Variants in ZNF25 observed in about 807,000 individuals in gnomAD.
ZNF25 encodes the protein zinc finger protein 25 (KOX 19).
ZNF25 carries 21 observed loss-of-function variants against 30.9 expected under a neutral mutation model. The observed-to-expected ratio is 0.68, with a 90% CI of 0.48 to 0.98. ZNF25 has a LOEUF of 0.98. ZNF25 is among the 50% of genes least tolerant of loss of function. The pLI, the probability that ZNF25 is intolerant of heterozygous loss-of-function variation, is 0.00. For synonymous variants in ZNF25, 169 were observed against 181.3 expected (o/e 0.93, Z 0.55); for missense variants, 501 against 529.9 (o/e 0.95, Z 0.54).
chr10:37,955,827 G>A (rs1004306605), intron 4 of ZNF25, among the ~76,000 whole-genome samples: 1 of 152,072 alleles, frequency 6.6e-6, no homozygotes, highest in Middle Eastern at 3.2e-3. Context: ...GGGACTACAG[G>A]TGTGCACCAC....
chr10:37,961,396 C>T (rs751756893), intron 2 of ZNF25, among the ~76,000 whole-genome samples: 11 of 152,232 alleles, frequency 7.2e-5, no homozygotes, highest in African/African-American at 2.2e-4. Flanking sequence ...TATGACTTCT[C>T]ATATGTAGAA....
At position 37,951,856 on chromosome 10, in the gene ZNF25, T is replaced by C. The variant is rs2062158221; in HGVS notation, c.*271A>G. ...TGACTTCTATGTTGCAAAACAAAAGTATGACTTCTGAAAGGTTTCCTTCCT... is the reference window on the plus strand; with the variant it reads ...TGACTTCTATGTTGCAAAACAAAAGCATGACTTCTGAAAGGTTTCCTTCCT... On this transcript the variant is annotated 3_prime_UTR_variant, in exon 6 of 6. Coordinates refer to ENST00000302609, the MANE Select transcript of ZNF25 (RefSeq NM_145011.4). 1 of 334,554 alleles carries C rather than the reference T, an allele frequency of 3.0e-6. No homozygotes were observed. The highest frequency in any genetic ancestry group is 4.6e-5 in the Admixed American group (1 of 21,752). The allele number at this position is 334,554 out of a possible 1,614,324, so 20.7% of individuals were successfully genotyped here.
At chr10:37,963,908 G>A (rs1242063531) in intron 2 of ZNF25, among the ~76,000 whole-genome samples, 4 of 152,188 alleles carry the variant, frequency 2.6e-5, no homozygotes, top group Non-Finnish European at 4.4e-5. Context: ...CTGGGAGGCA[G>A]AGGTTGCCGT....
At chr10:37,956,934 A>AT in intron 4 of ZNF25, 86 bp downstream of exon 4, 1 of 947,848 alleles carries the variant, frequency 1.1e-6, no homozygotes, top group Non-Finnish European at 1.6e-6. Context: ...AAAAAAAAAA[A>AT]GTGAGAGATT....
chr10:37,957,084 G>C lies in ZNF25; in HGVS notation c.174C>G (p.Phe58Leu). The change falls in exon 4 of 6, where the codon TTC becomes TTG. Residue 58 changes from phenylalanine (F) to leucine (L), a missense_variant. Phe to Leu is a conservative substitution (Grantham distance 22). Coordinates refer to ENST00000302609, the MANE Select transcript of ZNF25 (RefSeq NM_145011.4). ...GYHVNKPNAV[F>L]KLKQGKEPWI... The stretch of plus-strand genomic sequence containing the variant: ...ATGGCTCTTTTCCTTGCTTCAACTT[G>C]AAGACTGCATTTGGCTTATTCACAT... 6.2e-7 allele frequency: 1 copy of C among 1,614,046 alleles called. No individual in the cohort carries two copies. The highest frequency in any genetic ancestry group is 8.5e-7 in the Non-Finnish European group (1 of 1,180,004).
rs553358508 is a variant in ZNF25, at chr10:37,951,444, G to C, written c.*683C>G. 6.6e-6 allele frequency: 1 copy of C among 152,266 alleles called. No individual in the cohort carries two copies. Among genetic ancestry groups the C allele is most frequent in the African/African-American group, 2.4e-5 (1 of 41,552 alleles). The allele number at this position is 152,266 out of a possible 1,614,324, so 9.4% of individuals were successfully genotyped here. ...GCCTGATAACTTGTGCTTTTTAAAA[G>C]CTTCATATATGTAGACATTTGCAGG... On this transcript the variant is annotated 3_prime_UTR_variant, in exon 6 of 6. Coordinates refer to ENST00000302609, the MANE Select transcript of ZNF25 (RefSeq NM_145011.4).
intron 2 of ZNF25, among the ~76,000 whole-genome samples, chr10:37,970,836 C>G (rs1033058978): frequency 2.6e-5 from 4 of 152,092 alleles, no homozygotes; most frequent in Non-Finnish European, 5.9e-5. Flanking sequence ...CTACTTGGCT[C>G]TCTCTCTAAT....
chr10:37,972,567 C>G (rs1011731012), intron 1 of ZNF25, among the ~76,000 whole-genome samples: 4 of 152,184 alleles, frequency 2.6e-5, no homozygotes, highest in African/African-American at 9.7e-5. Flanking sequence ...CTGATGAACT[C>G]TGACTTGAGA....
chr10:37,963,167 A>G (rs1386363357), intron 2 of ZNF25, among the ~76,000 whole-genome samples: 1 of 150,492 alleles, frequency 6.6e-6, no homozygotes, highest in African/African-American at 2.5e-5. Context: ...CCCAGGCTGG[A>G]GCGTAACTGT....
At chr10:37,953,267 C>A (rs1176913579) in intron 5 of ZNF25, 72 bp from the exon 6 acceptor site, 3 of 1,421,678 alleles carry the variant, frequency 2.1e-6, no homozygotes, top group Non-Finnish European at 2.8e-6. Context: ...CTCCACTGGG[C>A]GTATTTTCCA....
chr10:37,972,633 A>G (rs72791788), intron 1 of ZNF25, among the ~76,000 whole-genome samples: 6 of 152,304 alleles, frequency 3.9e-5, no homozygotes, highest in Non-Finnish European at 8.8e-5. Flanking sequence ...GTTAATCATC[A>G]TAATTCTCAA....
intron 2 of ZNF25, among the ~76,000 whole-genome samples, chr10:37,970,474 C>T (rs1357139341): frequency 6.6e-6 from 1 of 152,180 alleles, no homozygotes; most frequent in Non-Finnish European, 1.5e-5. Flanking sequence ...GAACTTCCTT[C>T]ATCTGATAAA....
chr10:37,957,435 G>A lies in ZNF25; in HGVS notation c.127C>T (p.His43Tyr). 6.2e-7 allele frequency: 1 copy of A among 1,613,214 alleles called. No homozygotes were observed. Residue 43 changes from histidine to tyrosine, a missense_variant, in exon 3 of 6, where the codon CAC becomes TAC. By Grantham distance (83) the His-to-Tyr change is moderately conservative. Coordinates refer to ENST00000302609, the MANE Select transcript of ZNF25 (RefSeq NM_145011.4). ...TTTTCCTCACCCACTGAGACAAGGT[G>A]ACTATAGTTTTCCAGCATCACATCC... Reference protein sequence around the residue: ...YKDVMLENYSHLVSVGYHVNK... With the variant: ...YKDVMLENYSYLVSVGYHVNK...
chr10:37,956,948 GA>G, intron 4 of ZNF25, 71 bp downstream of exon 4: 1 of 915,000 alleles, frequency 1.1e-6, no homozygotes, highest in Non-Finnish European at 1.7e-6. Context: ...AGAGATTGCC[GA>G]AAAGTACTTC....
intron 1 of ZNF25, among the ~76,000 whole-genome samples, chr10:37,974,981 G>A (rs934443131): frequency 6.6e-6 from 1 of 152,228 alleles, no homozygotes; most frequent in African/African-American, 2.4e-5. Flanking sequence ...GGAACTGGAG[G>A]GCATTATGTT....
At chr10:37,972,353 C>T (rs1564802557) in intron 1 of ZNF25, among the ~76,000 whole-genome samples, 1 of 152,122 alleles carries the variant, frequency 6.6e-6, no homozygotes, top group South Asian at 2.1e-4. Flanking sequence ...CTACTCTAGG[C>T]TCTGCTATTA....
chr10:37,957,032 G>A lies in ZNF25; in HGVS notation c.226C>T (p.Arg76Trp), dbSNP rs146096283. 40 of 1,613,446 alleles carry A rather than the reference G, an allele frequency of 2.5e-5. No homozygotes were observed. Among genetic ancestry groups the A allele is most frequent in the African/African-American group, 1.6e-4 (12 of 74,782 alleles). Reference sequence around the variant, plus strand: ...TCTTCTAACTCACCAGGGAAGCCCCGATGTGGAAATTCTACTTCTAATATC... The same window carrying A: ...TCTTCTAACTCACCAGGGAAGCCCCAATGTGGAAATTCTACTTCTAATATC... ...PWILEVEFPH[R>W]GFPEDLWSIH... The change falls in exon 4 of 6, where the codon CGG becomes TGG. Residue 76 changes from arginine (R) to tryptophan (W), a missense_variant. By Grantham distance (101) the Arg-to-Trp change is moderately radical. Transcript: ENST00000302609.
At chr10:37,961,046 T>C (rs973200694) in intron 2 of ZNF25, among the ~76,000 whole-genome samples, 3 of 152,060 alleles carry the variant, frequency 2.0e-5, no homozygotes, top group Non-Finnish European at 2.9e-5. Context: ...GGAAAATTAA[T>C]TAAAGACTCC....
At chr10:37,964,831 G>A (rs1250165325) in intron 2 of ZNF25, among the ~76,000 whole-genome samples, 1 of 152,184 alleles carries the variant, frequency 6.6e-6, no homozygotes, top group Non-Finnish European at 1.5e-5. Flanking sequence ...ATGGAGCCAA[G>A]TAACAATCCA....
Sources: allele counts gnomAD v4.1 joint callset (sites outside exome capture counted in the v4.1 genomes callset), GRCh38; gene constraint gnomAD v4.1.1; transcripts MANE v1.5; gene names NCBI Gene and HGNC (gene_info 2026-07-23, HGNC 2026-07-21).